VMP1: variants seen among roughly 807,000 people sequenced by gnomAD.
The protein encoded by VMP1 is vacuole membrane protein 1.
In VMP1, 11 loss-of-function variants were observed where a neutral mutation model predicts 56.0. The ratio of observed to expected loss-of-function variants is 0.20; its 90% confidence interval spans 0.12 to 0.32. The LOEUF (loss-of-function observed/expected upper bound fraction) is 0.32, where lower values mean the gene tolerates loss of function less well. Ranked by LOEUF, VMP1 falls within the 10% of genes least tolerant of loss-of-function variation. VMP1 has a pLI of 1.00. For synonymous variants in VMP1, 149 were observed against 165.0 expected (o/e 0.90, Z 0.74); for missense variants, 296 against 490.3 (o/e 0.60, Z 3.74).
chr17:59,806,492 C>T (rs1050675493), intron 7 of VMP1, among the ~76,000 whole-genome samples: 4 of 151,722 alleles, frequency 2.6e-5, no homozygotes, highest in African/African-American at 4.8e-5. Flanking sequence ...TTTGGGAGGC[C>T]GAGGTGGGAG....
At chr17:59,765,183 C>G (rs1273411200) in intron 6 of VMP1, 45 bp downstream of exon 6, 4 of 1,589,246 alleles carry the variant, frequency 2.5e-6, no homozygotes. Flanking sequence ...ACCTCACCAT[C>G]TTGATAGTGT....
chr17:59,760,436 T>C (rs1372465639), intron 5 of VMP1, among the ~76,000 whole-genome samples: 1 of 152,182 alleles, frequency 6.6e-6, no homozygotes, highest in Non-Finnish European at 1.5e-5. Context: ...TTTAAAGAAG[T>C]AATTCTGATG....
At chr17:59,765,407 A>C (rs1231192692) in intron 6 of VMP1, among the ~76,000 whole-genome samples, 1 of 152,210 alleles carries the variant, frequency 6.6e-6, no homozygotes. Context: ...ATGGAACCAC[A>C]GTTGAGCCTT....
chr17:59,796,874 T>G (rs1399284274), intron 7 of VMP1, among the ~76,000 whole-genome samples: 1 of 152,188 alleles, frequency 6.6e-6, no homozygotes, highest in African/African-American at 2.4e-5. Context: ...TTTTGGAAAC[T>G]GGCACTGTCT....
Position 59,729,496 on chromosome 17 carries a change from A to C in VMP1, c.-26-1925A>C, listed in dbSNP as rs1438983531. On this transcript the variant is annotated intron_variant, in intron 1 of 11. Coordinates refer to ENST00000262291, the MANE Select transcript of VMP1 (RefSeq NM_030938.5). ...TCCATCTCAAAAAAAAAAAAAAAAA[A>C]ACCTTTGGTCTGTTAACAGTGTCAC... Among the ~76,000 whole-genome samples the C allele has an allele frequency of 7.3e-5, 11 of 151,632 alleles. No homozygotes were observed. The South Asian group carries it at 1.9e-3, about 26-fold the overall frequency.
chr17:59,800,926 A>G (rs1369968336), intron 7 of VMP1, among the ~76,000 whole-genome samples: 1 of 151,844 alleles, frequency 6.6e-6, no homozygotes, highest in Non-Finnish European at 1.5e-5. Context: ...CTAAAAATAC[A>G]AAAATTATCT....
intron 9 of VMP1, among the ~76,000 whole-genome samples, chr17:59,814,229 G>A (rs1234253989): frequency 6.6e-6 from 1 of 152,114 alleles, no homozygotes; most frequent in East Asian, 1.9e-4. Flanking sequence ...TGCCCGCCTT[G>A]GCCTCCCAAA....
Position 59,735,329 on chromosome 17 carries a change from GT to G in VMP1, c.77-4del. The stretch of plus-strand genomic sequence containing the variant: ...ATTCTGTTTTAATCTCTGCACTATT[GT>G]TTTTCAGACCCCTCTTCAGTGAATG... On this transcript the variant is annotated splice_region_variant and splice_polypyrimidine_tract_variant and intron_variant, in intron 2 of 11. Transcript: ENST00000262291. 6.2e-7 allele frequency: 1 copy of G among 1,613,532 alleles called. No homozygotes were observed. Among genetic ancestry groups the G allele is most frequent in the Non-Finnish European group, 8.5e-7 (1 of 1,179,748 alleles).
intron 5 of VMP1, among the ~76,000 whole-genome samples, chr17:59,754,563 C>T (rs189073513): frequency 5.3e-4 from 80 of 152,236 alleles, no homozygotes; most frequent in African/African-American, 1.9e-3. Context: ...TGTCTATCCT[C>T]CTTTTAAGAC....
intron 10 of VMP1, among the ~76,000 whole-genome samples, chr17:59,818,874 T>A (rs1415767540): frequency 6.6e-6 from 1 of 152,196 alleles, no homozygotes; most frequent in Non-Finnish European, 1.5e-5. Context: ...CAAGTTTAAG[T>A]GCCCTTTGTT....
intron 7 of VMP1, among the ~76,000 whole-genome samples, chr17:59,792,887 T>A (rs1469330882): frequency 7.5e-5 from 4 of 53,440 alleles, no homozygotes; most frequent in Admixed American, 2.2e-4. Context: ...ATTATTATTA[T>A]TATTATCAGA....
chr17:59,764,895 A>T, intron 5 of VMP1, 76 bp from the exon 6 acceptor site: 1 of 1,108,046 alleles, frequency 9.0e-7, no homozygotes, highest in Non-Finnish European at 1.2e-6. Context: ...CACAGTAATT[A>T]ATATATTTTT....
At chr17:59,724,211 CAAA>C (rs780799408) in intron 1 of VMP1, among the ~76,000 whole-genome samples, 7 of 71,326 alleles carry the variant, frequency 9.8e-5, no homozygotes, top group Admixed American at 1.6e-4. Context: ...GACCCTGTCT[CAAA>C]AAAAAAAAAA....
chr17:59,749,157 C>T (rs1424437316), intron 5 of VMP1, among the ~76,000 whole-genome samples: 1 of 150,104 alleles, frequency 6.7e-6, no homozygotes, highest in African/African-American at 2.5e-5. Flanking sequence ...CGGGGTTTCA[C>T]TGTGTTAGTC....
At chr17:59,770,224 GAACATTTGACTT>G (rs1351817165) in intron 6 of VMP1, among the ~76,000 whole-genome samples, 9 of 152,208 alleles carry the variant, frequency 5.9e-5, no homozygotes, top group Admixed American at 1.3e-4. Flanking sequence ...AAGAACTGTT[GAACATTTGACTT>G]AACATTTGAA....
chr17:59,737,572 T>C, intron 4 of VMP1, 29 bp downstream of exon 4: 1 of 1,554,694 alleles, frequency 6.4e-7, no homozygotes, highest in Middle Eastern at 1.7e-4. Flanking sequence ...CTGTTTCTAG[T>C]CTTGCACATT....
chr17:59,816,962 A>AAAAG (rs1365170894), intron 9 of VMP1, among the ~76,000 whole-genome samples: 1 of 147,846 alleles, frequency 6.8e-6, no homozygotes, highest in Non-Finnish European at 1.5e-5. Flanking sequence ...AAAAAAAGAA[A>AAAAG]AAAGAAAGAA....
chr17:59,766,936 C>T (rs1400953966), intron 6 of VMP1, among the ~76,000 whole-genome samples: 5 of 152,040 alleles, frequency 3.3e-5, no homozygotes, highest in African/African-American at 7.2e-5. Context: ...CCCGCCACCA[C>T]GCTCGGCTGA....
intron 7 of VMP1, among the ~76,000 whole-genome samples, chr17:59,808,220 G>A (rs1487365429): frequency 6.6e-6 from 1 of 152,086 alleles, no homozygotes; most frequent in African/African-American, 2.4e-5. Context: ...CAGTTTTGTG[G>A]TCTATAGATT....
Sources: allele counts gnomAD v4.1 joint callset (sites outside exome capture counted in the v4.1 genomes callset), GRCh38; gene constraint gnomAD v4.1.1; transcripts MANE v1.5; gene names NCBI Gene and HGNC (gene_info 2026-07-23, HGNC 2026-07-21).